The following PTPRN2 variants were observed in gnomAD, a reference collection of about 807,000 sequenced individuals.
PTPRN2 encodes receptor-type tyrosine-protein phosphatase N2.
PTPRN2 carries 74 observed loss-of-function variants against 118.8 expected under a neutral mutation model. That is an observed-to-expected ratio of 0.62 (90% CI 0.52 to 0.76). The LOEUF is 0.76. PTPRN2 is among the 30% of genes least tolerant of loss of function. The pLI, the probability that PTPRN2 is intolerant of heterozygous loss-of-function variation, is 0.00. For missense variants in PTPRN2, 1,481 were observed against 1,394.4 expected (o/e 1.06, Z -0.99); for synonymous variants, 641 against 608.0 (o/e 1.05, Z -0.80).
chr7:157,678,350 A>G (rs1796766062), intron 13 of PTPRN2, among the ~76,000 whole-genome samples: 1 of 152,186 alleles, frequency 6.6e-6, no homozygotes, highest in South Asian at 2.1e-4. Flanking sequence ...CTGTTTTCCA[A>G]TTTAATTGTG....
chr7:157,878,424 T>C (rs1247234076), intron 12 of PTPRN2, among the ~76,000 whole-genome samples: 1 of 146,226 alleles, frequency 6.8e-6, no homozygotes, highest in African/African-American at 2.6e-5. Flanking sequence ...TGTGATACCG[T>C]GCACCCACGC....
rs955090240 is a variant in PTPRN2 at position 157,622,397 on chromosome 7, G to A, written c.2197-888C>T. Among the ~76,000 whole-genome samples the A allele has an allele frequency of 1.1e-4, 16 of 152,226 alleles. No individual in the cohort carries two copies. Among genetic ancestry groups the A allele is most frequent in the East Asian group, 5.8e-4 (3 of 5,136 alleles). On this transcript the variant is annotated intron_variant, in intron 14 of 22. Coordinates refer to ENST00000389418, the MANE Select transcript of PTPRN2 (RefSeq NM_002847.5). The surrounding 1 kb of genome is among the most constrained non-coding windows in gnomAD (Gnocchi z 5.3). ...GGCCACGCATTCCAATGTCAGGCCC[G>A]GGGTCCAAGCCCTTCTCACCTTCTG...
intron 12 of PTPRN2, among the ~76,000 whole-genome samples, chr7:157,778,901 C>G (rs1411494878): frequency 6.6e-6 from 1 of 152,226 alleles, no homozygotes; most frequent in East Asian, 1.9e-4. Context: ...TATGCCACTG[C>G]TCTCTGGACA....
intron 1 of PTPRN2, among the ~76,000 whole-genome samples, chr7:158,502,294 G>A (rs1336019680): frequency 6.6e-6 from 1 of 152,222 alleles, no homozygotes; most frequent in Non-Finnish European, 1.5e-5. Flanking sequence ...AGTTGTGACA[G>A]AGACTGGCCT....
chr7:158,323,810 C>A (rs1803232502), intron 2 of PTPRN2, among the ~76,000 whole-genome samples: 1 of 152,158 alleles, frequency 6.6e-6, no homozygotes, highest in South Asian at 2.1e-4. Flanking sequence ...GGGCTGCATA[C>A]CTCCCTCCAA....
At chr7:157,727,004 A>G (rs901974572) in intron 12 of PTPRN2, among the ~76,000 whole-genome samples, 1 of 152,240 alleles carries the variant, frequency 6.6e-6, no homozygotes, top group African/African-American at 2.4e-5. Context: ...AGAAAGTAAC[A>G]GGTGCTGGTG....
At chr7:157,967,670 G>A (rs117636950) in intron 11 of PTPRN2, among the ~76,000 whole-genome samples, 112 of 152,206 alleles carry the variant, frequency 7.4e-4, no homozygotes, top group Non-Finnish European at 1.1e-3. Context: ...TCATCAACTC[G>A]CACAAGTTAT....
intron 12 of PTPRN2, among the ~76,000 whole-genome samples, chr7:157,818,525 C>T (rs78973735): frequency 0.055 from 8,062 of 146,416 alleles, 433 homozygotes; most frequent in South Asian, 0.22. Flanking sequence ...CAAGAGAGGG[C>T]GTGGCCTGAG....
intron 12 of PTPRN2, among the ~76,000 whole-genome samples, chr7:157,795,910 C>T (rs1017451866): frequency 3.3e-5 from 5 of 152,218 alleles, no homozygotes; most frequent in African/African-American, 9.6e-5. Flanking sequence ...GTGATGCTGA[C>T]GCCCTCAGAA....
chr7:158,331,641 G>C (rs1385149116), intron 2 of PTPRN2, among the ~76,000 whole-genome samples: 10 of 147,246 alleles, frequency 6.8e-5, no homozygotes, highest in African/African-American at 2.7e-4. Flanking sequence ...CATAAGAGGT[G>C]ACACCTGCAG....
At chr7:158,150,803 G>A (rs796321195) in intron 6 of PTPRN2, among the ~76,000 whole-genome samples, 8 of 151,806 alleles carry the variant, frequency 5.3e-5, no homozygotes, top group Non-Finnish European at 7.4e-5. Flanking sequence ...CTCTCCCTCC[G>A]TGTCCTGTGA....
chr7:158,440,752 G>A lies in PTPRN2; in HGVS notation c.163+48983C>T, dbSNP rs116686044. On this transcript the variant is annotated intron_variant, in intron 2 of 22. Coordinates refer to ENST00000389418, the MANE Select transcript of PTPRN2 (RefSeq NM_002847.5). ...GGTGATGATGACAGTGGTGGTGACA[G>A]TGGTGGTGGTGATGTTAGTGATAGT... is the stretch of plus-strand genomic sequence containing the variant. Among the ~76,000 whole-genome samples the A allele has an allele frequency of 2.4e-3, 351 of 148,478 alleles. 4 individuals carry two copies. The highest frequency in any genetic ancestry group is 8.3e-3 in the African/African-American group (328 of 39,560).
rs1810226480 is a variant in PTPRN2 at position 157,861,354 on chromosome 7, G to A, written c.1788+37319C>T. 6.6e-6 allele frequency among the ~76,000 whole-genome samples: 1 copy of A among 152,248 alleles called. No homozygotes were observed. Among genetic ancestry groups the A allele is most frequent in the African/African-American group, 2.4e-5 (1 of 41,474 alleles). On this transcript the variant is annotated intron_variant, in intron 12 of 22. Transcript: ENST00000389418. This position sits in a 1 kb window ranked among gnomAD's most constrained non-coding sequence, Gnocchi z 5.8. ...CCTCCGGCTGGAGCTCGGCCAAGGA[G>A]CCCGGGTCCCTTCAGTCTGCGCTCC...
chr7:158,268,897 G>C (rs751696201), intron 3 of PTPRN2, among the ~76,000 whole-genome samples: 1 of 139,082 alleles, frequency 7.2e-6, no homozygotes, highest in Non-Finnish European at 1.5e-5. Flanking sequence ...CACGCACACA[G>C]AGTGGGGTGT....
intron 11 of PTPRN2, among the ~76,000 whole-genome samples, chr7:157,971,447 G>T (rs1283947886): frequency 6.6e-6 from 1 of 152,148 alleles, no homozygotes; most frequent in Non-Finnish European, 1.5e-5. Context: ...TTGCTGTAAT[G>T]AGCGCCACTT....
At chr7:158,019,444 G>A (rs1208496101) in intron 11 of PTPRN2, among the ~76,000 whole-genome samples, 1 of 152,268 alleles carries the variant, frequency 6.6e-6, no homozygotes, top group East Asian at 1.9e-4. Flanking sequence ...GAGCTGGAGT[G>A]ACCGTGTCAG....
intron 12 of PTPRN2, among the ~76,000 whole-genome samples, chr7:157,858,069 CAGGGAGAA>C (rs1809871652): frequency 7.1e-6 from 1 of 140,156 alleles, no homozygotes; most frequent in East Asian, 2.1e-4. Flanking sequence ...CACACTCCTG[CAGGGAGAA>C]CCCCGTCACC....
At chr7:157,616,449 A>T (rs1229038623) in intron 15 of PTPRN2, 1 of 152,064 alleles carries the variant, frequency 6.6e-6, no homozygotes, top group Admixed American at 6.5e-5. Context: ...CTAAAAAAGA[A>T]TCCTCAGTCT....
intron 2 of PTPRN2, among the ~76,000 whole-genome samples, chr7:158,329,719 A>C (rs73748207): frequency 0.025 from 3,834 of 152,282 alleles, 158 homozygotes; most frequent in African/African-American, 0.085. Context: ...CATTGACGCC[A>C]TGTGGAAATT....
Sources: gnomAD v4.1 joint callset for allele counts (sites outside exome capture counted in the v4.1 genomes callset) on GRCh38, gnomAD v4.1.1 for gene constraint, Gnocchi (gnomAD v3.1) non-coding constraint, MANE v1.5 for transcripts, NCBI Gene and HGNC (gene_info 2026-07-23, HGNC 2026-07-21) for gene names.